MAD1L1: variants seen among roughly 807,000 people sequenced by gnomAD.
MAD1L1 encodes the protein mitotic spindle assembly checkpoint protein MAD1.
MAD1L1 carries 95 observed loss-of-function variants against 96.9 expected under a neutral mutation model. The ratio of observed to expected loss-of-function variants is 0.98; its 90% confidence interval spans 0.83 to 1.16. MAD1L1 has a LOEUF of 1.16. Ranked by LOEUF, MAD1L1 falls within the 50% of genes most tolerant of loss-of-function variation. The pLI is 0.00. For missense variants in MAD1L1, 1,007 were observed against 954.4 expected, an observed-to-expected ratio of 1.06 and a Z score of -0.73; for synonymous variants, 473 against 396.6, an observed-to-expected ratio of 1.19 and a Z score of -2.29.
rs897349073 is a variant in MAD1L1 at position 2,119,621 on chromosome 7, G to T, written c.1073+29531C>A. Among the ~76,000 whole-genome samples, 16 of 152,164 alleles carry T rather than the reference G, an allele frequency of 1.1e-4. No individual in the cohort carries two copies. The highest frequency in any genetic ancestry group is 6.5e-5 in the Admixed American group (1 of 15,280). On this transcript the variant is annotated intron_variant, in intron 11 of 18. Transcript: ENST00000265854. The surrounding 1 kb of genome is among the most constrained non-coding windows in gnomAD (Gnocchi z 4.6). ...CCAAGCCCTTGACTTAGTGGCAGGT[G>T]GGCTACAGCTGCAGGACAGAGGGCT...
intron 14 of MAD1L1, among the ~76,000 whole-genome samples, chr7:1,985,985 A>G (rs1781122798): frequency 6.6e-6 from 1 of 152,140 alleles, no homozygotes; most frequent in African/African-American, 2.4e-5. Context: ...TTTCTGTGAA[A>G]CTTTTTCTGC....
chr7:2,040,021 G>A (rs1783606022), intron 12 of MAD1L1, among the ~76,000 whole-genome samples: 1 of 152,216 alleles, frequency 6.6e-6, no homozygotes, highest in Non-Finnish European at 1.5e-5. Context: ...GAAACTTTTA[G>A]CTGGGCCAAC....
chr7:1,908,896 A>C (rs910128754), intron 17 of MAD1L1, among the ~76,000 whole-genome samples: 5 of 152,116 alleles, frequency 3.3e-5, no homozygotes, highest in Admixed American at 3.3e-4. Flanking sequence ...CTCTCGTTAG[A>C]TGTCTCCCTG....
At chr7:1,984,357 T>C (rs746721470) in intron 14 of MAD1L1, among the ~76,000 whole-genome samples, 12 of 152,276 alleles carry the variant, frequency 7.9e-5, no homozygotes, top group Non-Finnish European at 1.3e-4. Flanking sequence ...TTAATCTTTG[T>C]GAATGTTTTC....
At chr7:2,069,465 C>T (rs1183021059) in intron 11 of MAD1L1, 127 bp from the exon 12 acceptor site, 4 of 886,396 alleles carry the variant, frequency 4.5e-6, no homozygotes, top group Non-Finnish European at 6.5e-6. Context: ...AACCCCCTCA[C>T]TGCCATTTCC....
chr7:1,852,497 C>A (rs936551610), intron 18 of MAD1L1, among the ~76,000 whole-genome samples: 2 of 152,158 alleles, frequency 1.3e-5, no homozygotes, highest in Admixed American at 1.3e-4. Flanking sequence ...GCTCCCTGGG[C>A]GGAGAGGCTG....
At position 2,084,195 on chromosome 7, in the gene MAD1L1, G is replaced by A. The variant is rs189197301; in HGVS notation, c.1074-14857C>T. ...GTCAAAATAATTCAGGAAACACAAT[G>A]GAAGTTTCTGCGTATGTGTAGAAAA... On this transcript the variant is annotated intron_variant, in intron 11 of 18. Coordinates refer to ENST00000265854, the MANE Select transcript of MAD1L1 (RefSeq NM_001013836.2). Among the ~76,000 whole-genome samples, 4 of 152,252 alleles carry A rather than the reference G, an allele frequency of 2.6e-5. No individual in the cohort carries two copies. In the East Asian group the frequency reaches 5.8e-4, roughly 22 times the overall value.
At chr7:2,115,251 C>A (rs562652597) in intron 11 of MAD1L1, among the ~76,000 whole-genome samples, 1 of 150,576 alleles carries the variant, frequency 6.6e-6, no homozygotes, top group Non-Finnish European at 1.5e-5. Flanking sequence ...AGGGTCCCCA[C>A]GTGTTCCAGG....
At chr7:2,100,398 G>T (rs114213598) in intron 11 of MAD1L1, among the ~76,000 whole-genome samples, 75 of 152,342 alleles carry the variant, frequency 4.9e-4, no homozygotes, top group African/African-American at 1.8e-3. Flanking sequence ...TGAGCGTGAA[G>T]CACCTGCTTC....
chr7:1,994,716 G>C (rs1376128259), intron 14 of MAD1L1, among the ~76,000 whole-genome samples: 1 of 152,206 alleles, frequency 6.6e-6, no homozygotes, highest in Admixed American at 6.5e-5. Context: ...CTCCCACCGT[G>C]TGAGGACACA....
At chr7:2,109,695 T>A (rs755182947) in intron 11 of MAD1L1, 1 of 152,256 alleles carries the variant, frequency 6.6e-6, no homozygotes, top group African/African-American at 2.4e-5. Flanking sequence ...TGTGTTTTTA[T>A]AGCATTATAT....
chr7:2,189,684 C>T (rs1402006363), intron 10 of MAD1L1, among the ~76,000 whole-genome samples: 1 of 152,124 alleles, frequency 6.6e-6, no homozygotes, highest in Admixed American at 6.5e-5. Flanking sequence ...CAGAGTTTGG[C>T]TTTGGGAAGA....
At chr7:1,851,860 C>T (rs574596681) in intron 18 of MAD1L1, among the ~76,000 whole-genome samples, 1 of 152,306 alleles carries the variant, frequency 6.6e-6, no homozygotes, top group South Asian at 2.1e-4. Flanking sequence ...GAGCTAGAGT[C>T]GCCTGCCTGC....
intron 10 of MAD1L1, among the ~76,000 whole-genome samples, chr7:2,155,660 T>TAATA (rs1171061767): frequency 6.6e-6 from 1 of 152,174 alleles, no homozygotes; most frequent in Non-Finnish European, 1.5e-5. Flanking sequence ...GAAGGCTGAG[T>TAATA]AATACTCCAT....
rs754025766 is a variant in MAD1L1 at position 2,088,543 on chromosome 7, C to T, written c.1074-19205G>A. On this transcript the variant is annotated intron_variant, in intron 11 of 18. Transcript: ENST00000265854. The surrounding 1 kb of genome is among the most constrained non-coding windows in gnomAD (Gnocchi z 4.4). ...AGCTCTGGAGCTGCCACTGCACGTG[C>T]ACATCCATCTCCCTGGGAGGCCGGG... 3.3e-5 allele frequency among the ~76,000 whole-genome samples: 5 copies of T among 152,220 alleles called. No individual in the cohort carries two copies. The highest frequency in any genetic ancestry group is 5.9e-5 in the Non-Finnish European group (4 of 68,026).
At position 1,968,337 on chromosome 7, in the gene MAD1L1, A is replaced by T. The variant is rs1165943831; in HGVS notation, c.1506-10618T>A. On this transcript the variant is annotated intron_variant, in intron 15 of 18. Coordinates refer to ENST00000265854, the MANE Select transcript of MAD1L1 (RefSeq NM_001013836.2). The surrounding 1 kb of genome is among the most constrained non-coding windows in gnomAD (Gnocchi z 5.6). ...ACGCCTCAGTCTGGTGGTCAGGTCA[A>T]CCGTCCACACCTCAGTCCAGTGGTC... Among the ~76,000 whole-genome samples, 1 of 148,626 alleles carries T rather than the reference A, an allele frequency of 6.7e-6. No homozygotes were observed. The highest frequency in any genetic ancestry group is 1.5e-5 in the Non-Finnish European group (1 of 67,340).
intron 18 of MAD1L1, among the ~76,000 whole-genome samples, chr7:1,886,338 G>A (rs568171976): frequency 2.8e-4 from 42 of 152,352 alleles, no homozygotes; most frequent in Admixed American, 7.8e-4. Flanking sequence ...GCTTCAGAAG[G>A]AAAGAACAGG....
chr7:1,977,166 C>T (rs952147823), intron 15 of MAD1L1, among the ~76,000 whole-genome samples: 22 of 152,340 alleles, frequency 1.4e-4, no homozygotes, highest in South Asian at 4.1e-4. Context: ...AGCAGGGGGC[C>T]GCGCCGTCGG....
intron 18 of MAD1L1, among the ~76,000 whole-genome samples, chr7:1,840,370 C>T (rs540168716): frequency 3.3e-5 from 5 of 152,338 alleles, no homozygotes; most frequent in Non-Finnish European, 7.4e-5. Flanking sequence ...CTGGGAGACG[C>T]CTCTGCACAG....
Sources: allele counts gnomAD v4.1 joint callset (sites outside exome capture counted in the v4.1 genomes callset), GRCh38; gene constraint gnomAD v4.1.1; non-coding constraint Gnocchi (gnomAD v3.1); transcripts MANE v1.5; gene names NCBI Gene and HGNC (gene_info 2026-07-23, HGNC 2026-07-21).